ADAMTS2: variants seen among roughly 807,000 people sequenced by gnomAD.
ADAMTS2 encodes the protein A disintegrin and metalloproteinase with thrombospondin motifs 2.
A neutral mutation model predicts 123.0 loss-of-function variants in ADAMTS2; 50 were observed. The observed-to-expected ratio is 0.41, with a 90% CI of 0.32 to 0.51. The LOEUF is 0.51. Ranked by LOEUF, ADAMTS2 falls within the 20% of genes least tolerant of loss-of-function variation. ADAMTS2 has a pLI of 0.35. For missense variants in ADAMTS2, 1,494 were observed against 1,705.2 expected (o/e 0.88, Z 2.18); for synonymous variants, 678 against 695.4 (o/e 0.98, Z 0.39).
chr5:179,333,099 A>T (rs560062733), intron 2 of ADAMTS2, among the ~76,000 whole-genome samples: 1 of 152,230 alleles, frequency 6.6e-6, no homozygotes, highest in African/African-American at 2.4e-5. Flanking sequence ...GAGACCCGAG[A>T]GCAGAGGGCC....
rs1461030287 is a variant in ADAMTS2 at position 179,117,410 on chromosome 5, TC to T, written c.3179-3087del. On this transcript the variant is annotated intron_variant, in intron 21 of 21. Coordinates refer to ENST00000251582, the MANE Select transcript of ADAMTS2 (RefSeq NM_014244.5). The surrounding 1 kb of genome is among the most constrained non-coding windows in gnomAD (Gnocchi z 4.2). ...TCCACATCTCCACTCCCTCACTGTC[TC>T]CCCCACCAGGCTGGGATCCCTGAAA... Among the ~76,000 whole-genome samples the T allele has an allele frequency of 1.3e-5, 2 of 152,072 alleles. No individual in the cohort carries two copies. The highest frequency in any genetic ancestry group is 2.4e-5 in the African/African-American group (1 of 41,394).
intron 19 of ADAMTS2, among the ~76,000 whole-genome samples, chr5:179,124,490 G>A (rs534754676): frequency 6.6e-6 from 1 of 152,288 alleles, no homozygotes; most frequent in East Asian, 1.9e-4. Flanking sequence ...CATCCTACTG[G>A]GCCTCGGAGC....
intron 4 of ADAMTS2, among the ~76,000 whole-genome samples, chr5:179,200,661 G>A (rs1764542931): frequency 6.6e-6 from 1 of 152,144 alleles, no homozygotes; most frequent in South Asian, 2.1e-4. Flanking sequence ...CTGCCAAGTA[G>A]GGCAGAAACT....
At chr5:179,174,630 G>C (rs1307518400) in intron 5 of ADAMTS2, among the ~76,000 whole-genome samples, 1 of 152,080 alleles carries the variant, frequency 6.6e-6, no homozygotes, top group East Asian at 1.9e-4. Flanking sequence ...TTATTTGTAA[G>C]AGGGGTATTT....
At chr5:179,288,985 C>T (rs1434408859) in intron 2 of ADAMTS2, among the ~76,000 whole-genome samples, 1 of 152,238 alleles carries the variant, frequency 6.6e-6, no homozygotes, top group East Asian at 1.9e-4. Flanking sequence ...GATCTCAGGG[C>T]CCCCACCAGA....
In ADAMTS2 at chr5:179,132,913, G is replaced by A. The variant is rs1472187095; in HGVS notation, c.2086-13C>T. 1 of 1,612,970 alleles carries A rather than the reference G, an allele frequency of 6.2e-7. No homozygotes were observed. Among genetic ancestry groups the A allele is most frequent in the Non-Finnish European group, 8.5e-7 (1 of 1,179,676 alleles). On this transcript the variant is annotated splice_polypyrimidine_tract_variant and intron_variant, in intron 13 of 21. Transcript: ENST00000251582. The surrounding 1 kb of genome is among the most constrained non-coding windows in gnomAD (Gnocchi z 6.1). ...CACAGCCCACCTTCTGTTGGGGGAGGAGGCAGTGAGCACTTGAGACGTCCT... is the reference window on the plus strand; with the variant it reads ...CACAGCCCACCTTCTGTTGGGGGAGAAGGCAGTGAGCACTTGAGACGTCCT...
intron 4 of ADAMTS2, 42 bp downstream of exon 4, chr5:179,207,471 A>ACCCCCCCCCCC: frequency 9.7e-7 from 1 of 1,026,472 alleles, no homozygotes; most frequent in Admixed American, 1.7e-5. Flanking sequence ...CCCCTGGTTG[A>ACCCCCCCCCCC]CCCTCCCCGC....
At chr5:179,258,346 G>C (rs1272893845) in intron 3 of ADAMTS2, among the ~76,000 whole-genome samples, 2 of 151,350 alleles carry the variant, frequency 1.3e-5, no homozygotes, top group Non-Finnish European at 2.9e-5. Flanking sequence ...CAGCCCACCA[G>C]GTGCTCCTGC....
chr5:179,158,253 C>A lies in ADAMTS2; in HGVS notation c.1132+470G>T, dbSNP rs1763521323. On this transcript the variant is annotated intron_variant, in intron 6 of 21. Transcript: ENST00000251582. The surrounding 1 kb of genome is among the most constrained non-coding windows in gnomAD (Gnocchi z 5.0). Reference sequence around the variant, plus strand: ...GTGCTGGGATTACAGGTGTGAACCACCGCGCCCGGCCTTTTGTCTCTTTTT... The same window carrying A: ...GTGCTGGGATTACAGGTGTGAACCAACGCGCCCGGCCTTTTGTCTCTTTTT... 6.6e-6 allele frequency among the ~76,000 whole-genome samples: 1 copy of A among 152,212 alleles called. No homozygotes were observed. Among genetic ancestry groups the A allele is most frequent in the Non-Finnish European group, 1.5e-5 (1 of 68,038 alleles).
intron 2 of ADAMTS2, among the ~76,000 whole-genome samples, chr5:179,281,309 G>A (rs75349686): frequency 1.0e-3 from 155 of 152,112 alleles, no homozygotes; most frequent in African/African-American, 2.4e-3. Flanking sequence ...AAGAAACCCC[G>A]TACACATTGG....
intron 4 of ADAMTS2, among the ~76,000 whole-genome samples, chr5:179,200,875 A>T (rs1425458933): frequency 6.6e-6 from 1 of 152,214 alleles, no homozygotes; most frequent in African/African-American, 2.4e-5. Context: ...CATGTGACAG[A>T]CAAAAAGTTT....
Position 179,299,305 on chromosome 5 carries a change from G to A in ADAMTS2, c.535-26241C>T, listed in dbSNP as rs374606581. On this transcript the variant is annotated intron_variant, in intron 2 of 21. Transcript: ENST00000251582. ...AGCACTTTGGGAGGCTGAGGCGGGC[G>A]GATCACGAGGTCAGGAGATGGAGAC... 5.3e-3 allele frequency among the ~76,000 whole-genome samples: 639 copies of A among 120,152 alleles called. 26 individuals carry two copies. The highest frequency in any genetic ancestry group is 0.019 in the African/African-American group (560 of 29,958). The allele number at this position is 120,152 out of a possible 152,430, so 78.8% of individuals were successfully genotyped here. A position where few individuals can be genotyped will look rare whatever the true frequency, so the allele number is the denominator to read the frequency against.
intron 3 of ADAMTS2, among the ~76,000 whole-genome samples, chr5:179,215,929 A>G (rs1415748699): frequency 6.6e-6 from 1 of 152,236 alleles, no homozygotes; most frequent in East Asian, 1.9e-4. Context: ...TTCTGCATCC[A>G]GACACATTCC....
chr5:179,147,480 T>A (rs1171517597), intron 10 of ADAMTS2, among the ~76,000 whole-genome samples: 1 of 152,196 alleles, frequency 6.6e-6, no homozygotes, highest in Non-Finnish European at 1.5e-5. Flanking sequence ...GTACTCCATC[T>A]ATAAAACAAA....
chr5:179,183,313 C>G (rs899996578), intron 4 of ADAMTS2, among the ~76,000 whole-genome samples: 9 of 152,180 alleles, frequency 5.9e-5, no homozygotes, highest in Non-Finnish European at 1.0e-4. Flanking sequence ...CTCATGGAGT[C>G]TGACCGAGGG....
chr5:179,181,064 G>A lies in ADAMTS2; in HGVS notation c.975+8C>T, dbSNP rs369740542. 1.9e-5 allele frequency: 30 copies of A among 1,612,224 alleles called. No individual in the cohort carries two copies. The African/African-American group carries it at 3.9e-4, about 21-fold the overall frequency. On this transcript the variant is annotated splice_region_variant and intron_variant, in intron 5 of 21. Coordinates refer to ENST00000251582, the MANE Select transcript of ADAMTS2 (RefSeq NM_014244.5). This position sits in a 1 kb window ranked among gnomAD's most constrained non-coding sequence, Gnocchi z 4.1. Reference sequence around the variant, plus strand: ...GGAGGCAGGCCCGGCTGGCCACAGTGCACTCACCTTTCCATAGCTCAGGAG... The same window carrying A: ...GGAGGCAGGCCCGGCTGGCCACAGTACACTCACCTTTCCATAGCTCAGGAG...
intron 2 of ADAMTS2, among the ~76,000 whole-genome samples, chr5:179,331,053 G>T (rs1435335100): frequency 6.6e-6 from 1 of 151,972 alleles, no homozygotes; most frequent in African/African-American, 2.4e-5. Flanking sequence ...GGGACCTGGG[G>T]TGGGTCATCC....
intron 2 of ADAMTS2, among the ~76,000 whole-genome samples, chr5:179,274,910 C>T (rs1454933989): frequency 6.6e-6 from 1 of 152,234 alleles, no homozygotes; most frequent in African/African-American, 2.4e-5. Flanking sequence ...GTGACATCTA[C>T]CCAAACCCAC....
At chr5:179,147,509 T>G (rs1005154787) in intron 10 of ADAMTS2, among the ~76,000 whole-genome samples, 6 of 152,172 alleles carry the variant, frequency 3.9e-5, no homozygotes, top group African/African-American at 1.2e-4. Context: ...TCAAACAAAA[T>G]ACTGCCCATA....
Sources: allele counts gnomAD v4.1 joint callset (sites outside exome capture counted in the v4.1 genomes callset), GRCh38; gene constraint gnomAD v4.1.1; non-coding constraint Gnocchi (gnomAD v3.1); transcripts MANE v1.5; gene names NCBI Gene and HGNC (gene_info 2026-07-23, HGNC 2026-07-21).